The following MTFR1 variants were observed in gnomAD, a reference collection of about 807,000 sequenced individuals.
MTFR1 encodes chondrocyte protein with a poly-proline region.
MTFR1 carries 28 observed loss-of-function variants against 38.8 expected under a neutral mutation model. The ratio of observed to expected loss-of-function variants is 0.72; its 90% CI spans 0.53 to 0.99. MTFR1 has a LOEUF of 0.99. MTFR1 is among the 50% of genes least tolerant of loss of function. MTFR1 has a pLI of 0.00. For missense variants in MTFR1, 358 were observed against 395.5 expected (o/e 0.91, Z 0.81); for synonymous variants, 145 against 137.0 (o/e 1.06, Z -0.41).
chr8:65,687,558 G>C (rs1311927809), intron 3 of MTFR1, among the ~76,000 whole-genome samples: 1 of 151,958 alleles, frequency 6.6e-6, no homozygotes, highest in African/African-American at 2.4e-5. Flanking sequence ...TGTTAGCCAG[G>C]ATGGTTTCGA....
At chr8:65,770,121 CTGTGTGTGTGTGTG>C (rs10608556) in intron 3 of MTFR1, among the ~76,000 whole-genome samples, 261 of 146,530 alleles carry the variant, frequency 1.8e-3, no homozygotes, top group East Asian at 6.9e-3. Context: ...CAGTATACTT[CTGTGTGTGTGTGTG>C]TGTGTGTGTG....
intron 1 of MTFR1, among the ~76,000 whole-genome samples, chr8:65,649,543 C>T (rs923554381): frequency 4.6e-5 from 7 of 151,850 alleles, no homozygotes; most frequent in East Asian, 1.9e-4. Flanking sequence ...TTATGGGGTA[C>T]GTGAGATATT....
At chr8:65,712,931 T>G (rs1805992448), downstream of MTFR1, among the ~76,000 whole-genome samples, 1 of 152,232 alleles carries the variant, frequency 6.6e-6, no homozygotes, top group African/African-American at 2.4e-5. Flanking sequence ...CATTACAGTC[T>G]CCTGCTGCTT....
chr8:65,658,584 T>A (rs1585746262), intron 1 of MTFR1, among the ~76,000 whole-genome samples: 1 of 152,268 alleles, frequency 6.6e-6, no homozygotes, highest in Non-Finnish European at 1.5e-5. Flanking sequence ...TCATAACACT[T>A]GTAGGAATTG....
chr8:65,715,527 G>A (rs771568972), downstream of MTFR1, among the ~76,000 whole-genome samples: 4 of 151,600 alleles, frequency 2.6e-5, no homozygotes, highest in Non-Finnish European at 4.4e-5. Flanking sequence ...ACAGGAATGC[G>A]CCACCACGCC....
intron 2 of MTFR1, chr8:65,719,187 C>T (rs550311076): frequency 1.3e-6 from 1 of 753,868 alleles, no homozygotes; most frequent in Non-Finnish European, 2.3e-6. Context: ...GCATCACTCA[C>T]TTGGAAACCT....
At chr8:65,664,494 A>G (rs776812990) in intron 1 of MTFR1, among the ~76,000 whole-genome samples, 4 of 152,090 alleles carry the variant, frequency 2.6e-5, no homozygotes, top group Non-Finnish European at 5.9e-5. Flanking sequence ...TTCTGTCTAG[A>G]TCTAGGTGGT....
chr8:65,752,099 T>C (rs2128908981), intron 3 of MTFR1, among the ~76,000 whole-genome samples: 1 of 152,376 alleles, frequency 6.6e-6, no homozygotes, highest in South Asian at 2.1e-4. Context: ...ATTTGTCAGC[T>C]TGAGATATCA....
intron 3 of MTFR1, among the ~76,000 whole-genome samples, chr8:65,749,264 T>C (rs548703533): frequency 9.2e-5 from 14 of 152,336 alleles, no homozygotes; most frequent in African/African-American, 3.4e-4. Context: ...AGCCTAATAG[T>C]AATGCAAAGC....
At chr8:65,694,965 G>A (rs908341262) in intron 4 of MTFR1, among the ~76,000 whole-genome samples, 1 of 152,204 alleles carries the variant, frequency 6.6e-6, no homozygotes, top group Non-Finnish European at 1.5e-5. Context: ...AGATGAGGAC[G>A]AGAAGTAGGT....
At chr8:65,645,915 C>T (rs1299589270) in intron 1 of MTFR1, among the ~76,000 whole-genome samples, 1 of 152,110 alleles carries the variant, frequency 6.6e-6, no homozygotes, top group Admixed American at 6.6e-5. Context: ...GATGAATAAT[C>T]ATACATATAA....
At chr8:65,720,051 A>G (rs1283683148) in intron 3 of MTFR1, among the ~76,000 whole-genome samples, 1 of 152,256 alleles carries the variant, frequency 6.6e-6, no homozygotes, top group African/African-American at 2.4e-5. Flanking sequence ...CAGTCTAAAA[A>G]TAACAGGTGG....
intron 3 of MTFR1, among the ~76,000 whole-genome samples, chr8:65,759,844 C>G (rs113358833): frequency 6.3e-4 from 96 of 152,256 alleles, no homozygotes; most frequent in African/African-American, 2.0e-3. Flanking sequence ...GTTAACACCC[C>G]ACCCTGGTAC....
At chr8:65,695,249 G>T (rs1805400217) in intron 4 of MTFR1, among the ~76,000 whole-genome samples, 1 of 152,184 alleles carries the variant, frequency 6.6e-6, no homozygotes. Context: ...AAACTTATTA[G>T]ATATGGAGAT....
chr8:65,653,129 A>G (rs1809164961), intron 1 of MTFR1, among the ~76,000 whole-genome samples: 1 of 152,234 alleles, frequency 6.6e-6, no homozygotes, highest in Non-Finnish European at 1.5e-5. Flanking sequence ...ATAGTTAAGT[A>G]CTTTAAAGTA....
chr8:65,714,593 T>G (rs1001276908), downstream of MTFR1: 3 of 152,340 alleles, frequency 2.0e-5, no homozygotes, highest in Middle Eastern at 3.4e-3. Flanking sequence ...CTACAGTGAT[T>G]AATATGCACA....
intron 3 of MTFR1, among the ~76,000 whole-genome samples, chr8:65,754,465 G>A (rs922783063): frequency 4.6e-5 from 7 of 151,574 alleles, no homozygotes; most frequent in Non-Finnish European, 1.0e-4. Context: ...AGGCTCCCGA[G>A]TAGCTGGGAT....
intron 3 of MTFR1, among the ~76,000 whole-genome samples, chr8:65,687,967 G>A (rs1042597682): frequency 6.6e-6 from 1 of 151,958 alleles, no homozygotes; most frequent in South Asian, 2.1e-4. Flanking sequence ...GGGTGTGATG[G>A]CACGTGCCTG....
chr8:65,687,429 TC>T (rs1363057089), intron 3 of MTFR1, among the ~76,000 whole-genome samples: 1 of 149,954 alleles, frequency 6.7e-6, no homozygotes, highest in African/African-American at 2.5e-5. Flanking sequence ...CATTGCAAGC[TC>T]TGCCTCCCAG....
Sources: allele counts gnomAD v4.1 joint callset (sites outside exome capture counted in the v4.1 genomes callset), GRCh38; gene constraint gnomAD v4.1.1; transcripts MANE v1.5; gene names NCBI Gene and HGNC (gene_info 2026-07-23, HGNC 2026-07-21).